CELF4: variants seen among roughly 807,000 people sequenced by gnomAD.
The protein encoded by CELF4 is CUG-BP- and ETR-3-like factor 4.
A neutral mutation model predicts 59.9 loss-of-function variants in CELF4; 18 were observed. That is an observed-to-expected ratio of 0.30 (90% confidence interval 0.21 to 0.45). CELF4 has a LOEUF of 0.45. Ranked by LOEUF, CELF4 falls within the 20% of genes least tolerant of loss-of-function variation. The pLI is 1.00. For synonymous variants in CELF4, 261 were observed against 267.1 expected, an observed-to-expected ratio of 0.98 and a Z score of 0.22; for missense variants, 456 against 689.0, an observed-to-expected ratio of 0.66 and a Z score of 3.79.
intron 1 of CELF4, among the ~76,000 whole-genome samples, chr18:37,532,245 A>G (rs1196038280): frequency 6.6e-6 from 1 of 152,220 alleles, no homozygotes; most frequent in South Asian, 2.1e-4. Context: ...CAGCTCCCCA[A>G]GTCAGCCCCT....
At position 37,253,724 on chromosome 18, in the gene CELF4, C is replaced by T; in HGVS notation, c.*44+43G>A. 1 of 1,459,152 alleles carries T rather than the reference C, an allele frequency of 6.9e-7. No homozygotes were observed. Among genetic ancestry groups the T allele is most frequent in the Non-Finnish European group, 9.2e-7 (1 of 1,086,280 alleles). The allele number at this position is 1,459,152 out of a possible 1,614,324, so 90.4% of individuals were successfully genotyped here. A position where few individuals can be genotyped will look rare whatever the true frequency, so the allele number is the denominator to read the frequency against. On this transcript the variant is annotated intron_variant, in intron 12 of 12. Coordinates refer to ENST00000420428, the MANE Select transcript of CELF4 (RefSeq NM_020180.4). The surrounding 1 kb of genome is among the most constrained non-coding windows in gnomAD (Gnocchi z 4.5). ...GAGGAGGCGGCGGGTCCGTCTGGTT[C>T]CCTCCCAACCCCCGTCCCCGCGCCC...
chr18:37,495,007 C>G (rs2099923541), intron 1 of CELF4, among the ~76,000 whole-genome samples: 1 of 152,226 alleles, frequency 6.6e-6, no homozygotes, highest in South Asian at 2.1e-4. Flanking sequence ...ATGCCATGGG[C>G]TCCTCTGCAG....
At chr18:37,528,362 TC>T (rs1455281536) in intron 1 of CELF4, among the ~76,000 whole-genome samples, 1 of 152,164 alleles carries the variant, frequency 6.6e-6, no homozygotes, top group Non-Finnish European at 1.5e-5. Flanking sequence ...CAGTGGATGC[TC>T]ACGGAGATAT....
At chr18:37,455,850 C>T (rs1288934244) in intron 2 of CELF4, among the ~76,000 whole-genome samples, 1 of 152,170 alleles carries the variant, frequency 6.6e-6, no homozygotes, top group Non-Finnish European at 1.5e-5. Flanking sequence ...CACCCTGATG[C>T]CACTGAGGGC....
At chr18:37,349,914 A>G (rs933747951) in intron 2 of CELF4, among the ~76,000 whole-genome samples, 16 of 152,286 alleles carry the variant, frequency 1.1e-4, no homozygotes, top group Admixed American at 7.2e-4. Context: ...CAGAGTTCAC[A>G]GGGCAAGGGA....
chr18:37,297,755 T>G (rs1030188686), intron 3 of CELF4, among the ~76,000 whole-genome samples: 4 of 152,192 alleles, frequency 2.6e-5, no homozygotes, highest in African/African-American at 9.7e-5. Flanking sequence ...TTTCACCACT[T>G]TTTGGTTCTG....
intron 1 of CELF4, among the ~76,000 whole-genome samples, chr18:37,494,982 A>G (rs1223966856): frequency 6.6e-6 from 1 of 152,182 alleles, no homozygotes; most frequent in Non-Finnish European, 1.5e-5. Context: ...GCCCTTTCAA[A>G]TGTCAAAGGC....
chr18:37,387,060 C>T (rs1474502720), intron 2 of CELF4, among the ~76,000 whole-genome samples: 1 of 152,242 alleles, frequency 6.6e-6, no homozygotes, highest in Admixed American at 6.5e-5. Flanking sequence ...GGCGGCTCCC[C>T]AGCCCCGGCT....
chr18:37,485,920 C>T (rs1250264169), intron 1 of CELF4: 1 of 231,800 alleles, frequency 4.3e-6, no homozygotes, highest in African/African-American at 2.3e-5. Flanking sequence ...CCTCAGACCT[C>T]TCTGCCCTGT....
chr18:37,415,230 C>T (rs1049080693), intron 2 of CELF4, among the ~76,000 whole-genome samples: 1 of 152,148 alleles, frequency 6.6e-6, no homozygotes, highest in Non-Finnish European at 1.5e-5. Flanking sequence ...GGGCAGGGGC[C>T]CTCTCTGTGG....
intron 1 of CELF4, among the ~76,000 whole-genome samples, chr18:37,490,887 G>A (rs973981690): frequency 6.6e-6 from 1 of 152,072 alleles, no homozygotes; most frequent in Non-Finnish European, 1.5e-5. Flanking sequence ...TGGTTCTCCC[G>A]GCACCAGCTC....
At chr18:37,306,780 C>T (rs1023913316) in intron 3 of CELF4, among the ~76,000 whole-genome samples, 14 of 152,124 alleles carry the variant, frequency 9.2e-5, no homozygotes, top group African/African-American at 2.7e-4. Context: ...TGGGGCCCAG[C>T]GCTGATGGTG....
intron 1 of CELF4, among the ~76,000 whole-genome samples, chr18:37,486,891 C>T (rs2099882403): frequency 6.6e-6 from 1 of 152,242 alleles, no homozygotes; most frequent in South Asian, 2.1e-4. Flanking sequence ...ACCCATTGAT[C>T]TTTCAAGAAT....
chr18:37,311,837 C>A (rs112612377), intron 3 of CELF4, among the ~76,000 whole-genome samples: 1 of 138,098 alleles, frequency 7.2e-6, no homozygotes, highest in African/African-American at 2.7e-5. Flanking sequence ...ATCGTCCGGG[C>A]GCGGTGGCTT....
chr18:37,471,998 G>A (rs2099834376), intron 2 of CELF4, among the ~76,000 whole-genome samples: 1 of 152,182 alleles, frequency 6.6e-6, no homozygotes, highest in East Asian at 1.9e-4. Flanking sequence ...CTCTGCTCCT[G>A]CTCTCCCTGG....
At chr18:37,478,087 A>G (rs1383078301) in intron 2 of CELF4, among the ~76,000 whole-genome samples, 1 of 152,070 alleles carries the variant, frequency 6.6e-6, no homozygotes, top group Non-Finnish European at 1.5e-5. Flanking sequence ...AGAGCAGGAG[A>G]CACTGTCGTC....
intron 1 of CELF4, 137 bp downstream of exon 1, chr18:37,565,219 C>A: frequency 1.1e-6 from 1 of 904,498 alleles, no homozygotes; most frequent in Non-Finnish European, 1.7e-6. Flanking sequence ...GTCTCCGCTG[C>A]CCGAGCGCCT....
chr18:37,442,147 A>G (rs752956151), intron 2 of CELF4, among the ~76,000 whole-genome samples: 1 of 152,044 alleles, frequency 6.6e-6, no homozygotes, highest in Non-Finnish European at 1.5e-5. Flanking sequence ...GGGCTTTGGG[A>G]GGGTGAATGG....
chr18:37,289,388 T>G (rs558923058), intron 3 of CELF4, among the ~76,000 whole-genome samples: 2 of 152,098 alleles, frequency 1.3e-5, no homozygotes, highest in African/African-American at 4.8e-5. Context: ...GCTCCAGAAT[T>G]GTATTTTGAA....
Sources: gnomAD v4.1 joint callset for allele counts (sites outside exome capture counted in the v4.1 genomes callset) on GRCh38, gnomAD v4.1.1 for gene constraint, Gnocchi (gnomAD v3.1) non-coding constraint, MANE v1.5 for transcripts, NCBI Gene and HGNC (gene_info 2026-07-23, HGNC 2026-07-21) for gene names.